Variants in STMP1 observed in about 807,000 individuals in gnomAD.
The protein encoded by STMP1 is mitolamban.
Under a neutral mutation model 7.0 loss-of-function variants are expected in STMP1, and 7 were observed. The ratio of observed to expected loss-of-function variants is 1.01; its 90% CI spans 0.57 to 1.89. STMP1 has a LOEUF of 1.89. Among genes scored for constraint, STMP1 ranks in the 40% most tolerant of loss-of-function variants. The pLI is 0.00. For synonymous variants in STMP1, 19 were observed against 18.4 expected (o/e 1.03, Z -0.08); for missense variants, 45 against 53.0 (o/e 0.85, Z 0.47).
intron 2 of STMP1, among the ~76,000 whole-genome samples, 157 bp from the exon 3 acceptor site, chr7:135,673,934 T>C (rs951206274): frequency 6.6e-6 from 1 of 152,108 alleles, no homozygotes; most frequent in African/African-American, 2.4e-5. Context: ...TGAAACCCTA[T>C]CTTAAAAAAG....
Position 135,674,896 on chromosome 7 carries a change from A to C in STMP1, c.*731A>C, listed in dbSNP as rs189434073. Reference sequence around the variant, plus strand: ...AAGAATCATACTTGGGATTACAGGTACATTTGATGTTATATGATGGATAAG... The same window carrying C: ...AAGAATCATACTTGGGATTACAGGTCCATTTGATGTTATATGATGGATAAG... On this transcript the variant is annotated 3_prime_UTR_variant, in exon 3 of 3. Transcript: ENST00000507606. 3.3e-5 allele frequency: 5 copies of C among 152,332 alleles called. No individual in the cohort carries two copies. The East Asian group carries it at 9.6e-4, about 29-fold the overall frequency. 9.4% of individuals were successfully genotyped at this position (152,332 alleles called of 1,614,324 possible).
chr7:135,669,981 A>G (rs1373893818), intron 1 of STMP1, among the ~76,000 whole-genome samples: 2 of 152,212 alleles, frequency 1.3e-5, no homozygotes, highest in Non-Finnish European at 2.9e-5. Context: ...TGACAATGCG[A>G]TTCTTCTGTT....
At position 135,674,870 on chromosome 7, in the gene STMP1, A is replaced by G. The variant is rs766074718; in HGVS notation, c.*705A>G. 5.3e-5 allele frequency: 8 copies of G among 152,184 alleles called. No homozygotes were observed. The highest frequency in any genetic ancestry group is 7.4e-5 in the Non-Finnish European group (5 of 68,020). The allele number at this position is 152,184 out of a possible 1,614,324, so 9.4% of individuals were successfully genotyped here. Reference sequence around the variant, plus strand: ...TTTGATCTGACTTTTTTCCTTCTCAAAAGAATCATACTTGGGATTACAGGT... The same window carrying G: ...TTTGATCTGACTTTTTTCCTTCTCAGAAGAATCATACTTGGGATTACAGGT... On this transcript the variant is annotated 3_prime_UTR_variant, in exon 3 of 3. Transcript: ENST00000507606.
chr7:135,667,296 T>C (rs1179941282), intron 1 of STMP1, among the ~76,000 whole-genome samples: 1 of 152,218 alleles, frequency 6.6e-6, no homozygotes, highest in Admixed American at 6.5e-5. Context: ...CTGCAACCTC[T>C]GCTTCCTGGG....
intron 1 of STMP1, among the ~76,000 whole-genome samples, chr7:135,668,606 G>C (rs775739424): frequency 1.3e-5 from 2 of 152,188 alleles, no homozygotes; most frequent in Non-Finnish European, 2.9e-5. Flanking sequence ...GTTTCACCAT[G>C]ATGCCCAGGC....
At chr7:135,672,875 G>T in intron 2 of STMP1, 69 bp downstream of exon 2, 1 of 1,293,562 alleles carries the variant, frequency 7.7e-7, no homozygotes, top group Admixed American at 2.0e-5. Context: ...CTTTGTTTGA[G>T]GTAAGGTGTG....
Position 135,675,466 on chromosome 7 carries a change from A to T in STMP1, c.*1301A>T, listed in dbSNP as rs1353112609. The T allele has an allele frequency of 6.6e-6, 1 of 152,122 alleles. No individual in the cohort carries two copies. Among genetic ancestry groups the T allele is most frequent in the Non-Finnish European group, 1.5e-5 (1 of 68,028 alleles). The allele number at this position is 152,122 out of a possible 1,614,324, so 9.4% of individuals were successfully genotyped here. Reference sequence around the variant, plus strand: ...GGCTGCCTAAAATTTTTTTGAATAGATATAACATAATTGATTTAATCTGCT... The same window carrying T: ...GGCTGCCTAAAATTTTTTTGAATAGTTATAACATAATTGATTTAATCTGCT... On this transcript the variant is annotated 3_prime_UTR_variant, in exon 3 of 3. Transcript: ENST00000507606.
chr7:135,671,148 G>T (rs1038104541), intron 1 of STMP1, among the ~76,000 whole-genome samples: 7 of 152,146 alleles, frequency 4.6e-5, no homozygotes, highest in African/African-American at 1.7e-4. Flanking sequence ...GTAAAAGTAG[G>T]ATTTTGCAGG....
At chr7:135,666,213 G>C (rs1184401669) in intron 1 of STMP1, among the ~76,000 whole-genome samples, 1 of 152,040 alleles carries the variant, frequency 6.6e-6, no homozygotes, top group African/African-American at 2.4e-5. Context: ...GATTACAGGC[G>C]TGAGCTCCTG....
rs1795370102 is a variant in STMP1 at position 135,672,743 on chromosome 7, A to AT, written c.16-4dup. On this transcript the variant is annotated splice_polypyrimidine_tract_variant and intron_variant, in intron 1 of 2. Coordinates refer to ENST00000507606, the MANE Select transcript of STMP1 (RefSeq NM_001130929.2). ...CATGCACTATAACTCTTACTGTTCT[A>AT]TTTTTTCAGCTTGGATTTACACTGG... 4.5e-6 allele frequency: 7 copies of AT among 1,550,172 alleles called. No individual in the cohort carries two copies. The highest frequency in any genetic ancestry group is 6.1e-6 in the Non-Finnish European group (7 of 1,145,890).
At chr7:135,673,455 C>T (rs906592649) in intron 2 of STMP1, among the ~76,000 whole-genome samples, 3 of 149,936 alleles carry the variant, frequency 2.0e-5, no homozygotes, top group Admixed American at 2.0e-4. Context: ...CCTTTGTCAA[C>T]CTTCGTTTGA....
chr7:135,664,344 A>ATTT (rs767469164), intron 1 of STMP1, among the ~76,000 whole-genome samples: 23 of 114,964 alleles, frequency 2.0e-4, no homozygotes, highest in East Asian at 2.5e-4. Context: ...CTGTGTGTTA[A>ATTT]TTTTTTTTTT....
chr7:135,668,990 GGGAGGCC>G (rs1795328504), intron 1 of STMP1, among the ~76,000 whole-genome samples: 1 of 152,210 alleles, frequency 6.6e-6, no homozygotes, highest in African/African-American at 2.4e-5. Context: ...CACATGGCTG[GGGAGGCC>G]TCAATCATGG....
chr7:135,667,082 TTCC>T (rs1795302687), intron 1 of STMP1, among the ~76,000 whole-genome samples: 1 of 152,264 alleles, frequency 6.6e-6, no homozygotes, highest in African/African-American at 2.4e-5. Flanking sequence ...TGTGATGTAG[TTCC>T]TCATTATGGT....
Position 135,675,396 on chromosome 7 carries a change from A to C in STMP1, c.*1231A>C, listed in dbSNP as rs1395696184. On this transcript the variant is annotated 3_prime_UTR_variant, in exon 3 of 3. Transcript: ENST00000507606. ...CTTTTTTTCTTTTTTAATGGAGATC[A>C]TTCTATACCAGCATGTAAGTAGCAA... The C allele has an allele frequency of 6.6e-6, 1 of 151,704 alleles. No individual in the cohort carries two copies. Among genetic ancestry groups the C allele is most frequent in the African/African-American group, 2.4e-5 (1 of 41,266 alleles). 9.4% of individuals were successfully genotyped at this position (151,704 alleles called of 1,614,324 possible).
intron 1 of STMP1, among the ~76,000 whole-genome samples, chr7:135,663,930 C>T (rs1206644806): frequency 2.6e-5 from 4 of 152,256 alleles, no homozygotes; most frequent in Non-Finnish European, 5.9e-5. Context: ...AGGCGTGAGC[C>T]TCCGCGCCCG....
chr7:135,662,834 A>T (rs572932656), intron 1 of STMP1, among the ~76,000 whole-genome samples: 1 of 152,314 alleles, frequency 6.6e-6, no homozygotes, highest in South Asian at 2.1e-4. Context: ...GGTGTCAGAG[A>T]GTGTGCGTTT....
At chr7:135,668,068 A>G (rs769730823) in intron 1 of STMP1, among the ~76,000 whole-genome samples, 9 of 152,066 alleles carry the variant, frequency 5.9e-5, no homozygotes, top group Non-Finnish European at 1.2e-4. Flanking sequence ...TGGAAAGACT[A>G]TTCTTTCTAT....
At chr7:135,672,222 T>A (rs1795363110) in intron 1 of STMP1, among the ~76,000 whole-genome samples, 1 of 152,196 alleles carries the variant, frequency 6.6e-6, no homozygotes, top group Admixed American at 6.5e-5. Flanking sequence ...TCAAGTGATC[T>A]ACCACTTTGG....
Sources: allele counts gnomAD v4.1 joint callset (sites outside exome capture counted in the v4.1 genomes callset), GRCh38; gene constraint gnomAD v4.1.1; transcripts MANE v1.5; gene names NCBI Gene and HGNC (gene_info 2026-07-23, HGNC 2026-07-21).